NRG1: variants seen among roughly 807,000 people sequenced by gnomAD.
The protein encoded by NRG1 is neuregulin 1.
Under a neutral mutation model 63.8 loss-of-function variants are expected in NRG1, and 18 were observed. The ratio of observed to expected loss-of-function variants is 0.28; its 90% CI spans 0.19 to 0.42. The LOEUF (loss-of-function observed/expected upper bound fraction) is 0.42, where lower values mean the gene tolerates loss of function less well. Ranked by LOEUF, NRG1 falls within the 10% of genes least tolerant of loss-of-function variation. NRG1 has a pLI of 1.00. For missense variants in NRG1, 762 were observed against 814.7 expected, an observed-to-expected ratio of 0.94 and a Z score of 0.79; for synonymous variants, 302 against 301.3, an observed-to-expected ratio of 1.00 and a Z score of -0.02.
intron 1 of NRG1, among the ~76,000 whole-genome samples, chr8:31,800,861 G>A (rs1421865844): frequency 1.2e-5 from 1 of 84,818 alleles, no homozygotes. Context: ...TTTTTTTTGA[G>A]ATGGAGTCTC....
chr8:31,861,056 C>T (rs1335979443), intron 1 of NRG1, among the ~76,000 whole-genome samples: 1 of 152,192 alleles, frequency 6.6e-6, no homozygotes, highest in African/African-American at 2.4e-5. Context: ...AAAGTGACCA[C>T]ACCGATAGAG....
At chr8:32,398,321 C>T (rs1656582149) in intron 1 of NRG1, among the ~76,000 whole-genome samples, 2 of 152,144 alleles carry the variant, frequency 1.3e-5, no homozygotes, top group African/African-American at 4.8e-5. Context: ...CTCACAGCAA[C>T]CCCACTGGCT....
intron 1 of NRG1, among the ~76,000 whole-genome samples, chr8:32,220,328 A>C (rs577612373): frequency 6.6e-6 from 1 of 152,268 alleles, no homozygotes; most frequent in Non-Finnish European, 1.5e-5. Flanking sequence ...GTTATAAAGC[A>C]TCTGCTTCTG....
At chr8:32,673,371 A>C (rs1037092970) in intron 5 of NRG1, among the ~76,000 whole-genome samples, 5 of 152,198 alleles carry the variant, frequency 3.3e-5, no homozygotes, top group Non-Finnish European at 7.3e-5. Flanking sequence ...GAATCATAGA[A>C]CCTCATATTC....
chr8:32,418,436 T>C (rs1816238791), intron 1 of NRG1, among the ~76,000 whole-genome samples: 1 of 151,926 alleles, frequency 6.6e-6, no homozygotes, highest in Admixed American at 6.6e-5. Flanking sequence ...CAACATGTAA[T>C]CAATATAAAA....
At chr8:32,627,724 A>G (rs1849550834) in intron 5 of NRG1, among the ~76,000 whole-genome samples, 1 of 152,170 alleles carries the variant, frequency 6.6e-6, no homozygotes, top group Non-Finnish European at 1.5e-5. Context: ...TTTAAAAAGG[A>G]TGCCTAGTTA....
chr8:32,664,587 AC>A (rs1218505245), intron 5 of NRG1, among the ~76,000 whole-genome samples: 4 of 152,148 alleles, frequency 2.6e-5, no homozygotes, highest in Admixed American at 6.6e-5. Flanking sequence ...CACAAAAAAA[AC>A]ATTGTTCCTT....
At chr8:31,895,591 A>G (rs1409552115) in intron 1 of NRG1, among the ~76,000 whole-genome samples, 1 of 152,166 alleles carries the variant, frequency 6.6e-6, no homozygotes, top group Non-Finnish European at 1.5e-5. Context: ...GCAAAACTCA[A>G]ATACTTTTAC....
At chr8:32,326,071 G>A (rs900101556) in intron 1 of NRG1, among the ~76,000 whole-genome samples, 11 of 150,424 alleles carry the variant, frequency 7.3e-5, no homozygotes, top group Non-Finnish European at 1.3e-4. Context: ...GTGCAATGGC[G>A]TGATCTAGGC....
chr8:32,040,750 C>CATATATACATATATATATATAT (rs1819869723), intron 1 of NRG1, among the ~76,000 whole-genome samples: 11 of 48,684 alleles, frequency 2.3e-4, no homozygotes, highest in African/African-American at 6.7e-4. Flanking sequence ...AATTTAGGCG[C>CATATATACATATATATATATAT]ATATATATAT....
intron 1 of NRG1, among the ~76,000 whole-genome samples, chr8:32,080,946 A>G (rs1043238591): frequency 3.3e-5 from 5 of 152,076 alleles, no homozygotes; most frequent in Non-Finnish European, 5.9e-5. Context: ...TTAAGTTCAT[A>G]AGATTTCTGT....
At chr8:32,618,147 G>T (rs1289217579) in intron 5 of NRG1, among the ~76,000 whole-genome samples, 1 of 151,814 alleles carries the variant, frequency 6.6e-6, no homozygotes, top group Non-Finnish European at 1.5e-5. Context: ...CTTATAAAAA[G>T]ATTAGTATAA....
chr8:32,582,341 G>A (rs1486778874), intron 1 of NRG1, among the ~76,000 whole-genome samples: 1 of 152,034 alleles, frequency 6.6e-6, no homozygotes. Context: ...CAAGTGATCT[G>A]CCTACCTCAG....
At chr8:32,585,419 C>A (rs1049123406) in intron 1 of NRG1, among the ~76,000 whole-genome samples, 2 of 152,136 alleles carry the variant, frequency 1.3e-5, no homozygotes, top group Admixed American at 6.6e-5. Flanking sequence ...ATTAGGCAGG[C>A]CTGCTGAACA....
intron 7 of NRG1, 93 bp from the exon 8 acceptor site, chr8:32,754,279 G>T: frequency 9.8e-7 from 1 of 1,015,486 alleles, no homozygotes; most frequent in Non-Finnish European, 1.5e-6. Context: ...TGTGAACATG[G>T]ACAATGTCAT....
intron 5 of NRG1, among the ~76,000 whole-genome samples, chr8:32,620,511 T>C (rs1217051839): frequency 7.8e-6 from 1 of 127,562 alleles, no homozygotes; most frequent in African/African-American, 2.9e-5. Flanking sequence ...TAACTCATGT[T>C]GGATTAGAAG....
chr8:31,836,456 G>A (rs564321227), intron 1 of NRG1, among the ~76,000 whole-genome samples: 50 of 152,182 alleles, frequency 3.3e-4, no homozygotes, highest in South Asian at 1.7e-3. Flanking sequence ...AAAGGGATCA[G>A]TAATAGTTTC....
At chr8:32,605,374 G>A (rs2129539441) in intron 2 of NRG1, among the ~76,000 whole-genome samples, 188 bp from the exon 3 acceptor site, 1 of 152,286 alleles carries the variant, frequency 6.6e-6, no homozygotes, top group Non-Finnish European at 1.5e-5. Flanking sequence ...CAACTTAAAT[G>A]TGATGCATCT....
intron 1 of NRG1, among the ~76,000 whole-genome samples, chr8:32,187,125 T>C (rs1842046969): frequency 6.6e-6 from 1 of 152,234 alleles, no homozygotes. Flanking sequence ...GCATAGAATG[T>C]GTTAATTAAA....
Sources: gnomAD v4.1 joint callset for allele counts (sites outside exome capture counted in the v4.1 genomes callset) on GRCh38, gnomAD v4.1.1 for gene constraint, MANE v1.5 for transcripts, NCBI Gene and HGNC (gene_info 2026-07-23, HGNC 2026-07-21) for gene names.